The following RBM47 variants were observed in gnomAD, a reference collection of about 807,000 sequenced individuals.
The protein encoded by RBM47 is RNA binding motif protein 47.
Under a neutral mutation model 47.1 loss-of-function variants are expected in RBM47, and 21 were observed. That is an observed-to-expected ratio of 0.45 (90% CI 0.32 to 0.64). The LOEUF (loss-of-function observed/expected upper bound fraction) is 0.64, where lower values mean the gene tolerates loss of function less well. RBM47 is among the 30% of genes least tolerant of loss of function. The pLI is 0.05. For missense variants in RBM47, 708 were observed against 870.9 expected (o/e 0.81, Z 2.35); for synonymous variants, 375 against 361.7 (o/e 1.04, Z -0.42).
rs146399540 is a variant in RBM47 at position 40,588,008 on chromosome 4, T to C, written c.-240+41388A>G. On this transcript the variant is annotated intron_variant, in intron 1 of 6. Transcript: ENST00000295971. ...ACATTTCTTCTTTTTGTCAGCAACA[T>C]GATAGAATCTCTTTTTTGCCTGGCC... 6.1e-3 allele frequency among the ~76,000 whole-genome samples: 936 copies of C among 152,282 alleles called. 8 individuals are homozygous for C. The highest frequency in any genetic ancestry group is 0.024 in the Middle Eastern group (7 of 294).
At chr4:40,610,747 G>T (rs536024262) in intron 1 of RBM47, among the ~76,000 whole-genome samples, 2 of 152,070 alleles carry the variant, frequency 1.3e-5, no homozygotes, top group Non-Finnish European at 2.9e-5. Context: ...AGGAACCCAG[G>T]GGGGAGGTAA....
chr4:40,583,044 A>C (rs1258888441), intron 1 of RBM47, among the ~76,000 whole-genome samples: 1 of 152,236 alleles, frequency 6.6e-6, no homozygotes, highest in Non-Finnish European at 1.5e-5. Flanking sequence ...TGTGCGAAGT[A>C]CAGAAGAGAC....
At chr4:40,431,695 G>A (rs1363288005) in intron 6 of RBM47, among the ~76,000 whole-genome samples, 1 of 151,422 alleles carries the variant, frequency 6.6e-6, no homozygotes, top group East Asian at 1.9e-4. Flanking sequence ...TTATCTAGGA[G>A]GTGGATGGGA....
rs551344716 is a variant in RBM47, at chr4:40,523,167, A to G, written c.-155+21255T>C. Among the ~76,000 whole-genome samples the G allele has an allele frequency of 2.6e-3, 397 of 151,826 alleles. 5 individuals carry two copies. The highest frequency in any genetic ancestry group is 3.1e-3 in the Non-Finnish European group (213 of 67,856). On this transcript the variant is annotated intron_variant, in intron 2 of 6. Coordinates refer to ENST00000295971, the MANE Select transcript of RBM47 (RefSeq NM_001098634.2). The stretch of plus-strand genomic sequence containing the variant: ...TTTTTAGTAGAGACAGTGTTTCACC[A>G]TGTTGGCCAGGCTGGTCTTGAACTC...
At chr4:40,624,266 G>C (rs1281039162) in intron 1 of RBM47, among the ~76,000 whole-genome samples, 1 of 152,158 alleles carries the variant, frequency 6.6e-6, no homozygotes, top group East Asian at 1.9e-4. Flanking sequence ...ACATGTAAGT[G>C]GCAGAACTAA....
intron 1 of RBM47, among the ~76,000 whole-genome samples, chr4:40,556,545 T>C (rs752022193): frequency 2.0e-5 from 3 of 152,060 alleles, no homozygotes; most frequent in African/African-American, 7.2e-5. Context: ...TTACTTTTAA[T>C]GGCAAAAACC....
chr4:40,546,914 G>C (rs1341178161), intron 1 of RBM47, among the ~76,000 whole-genome samples: 1 of 152,122 alleles, frequency 6.6e-6, no homozygotes, highest in African/African-American at 2.4e-5. Flanking sequence ...AATGAAAAAG[G>C]GTATGGATTT....
chr4:40,515,106 A>T (rs1246497595), intron 2 of RBM47, among the ~76,000 whole-genome samples: 2 of 152,210 alleles, frequency 1.3e-5, no homozygotes, highest in African/African-American at 4.8e-5. Context: ...CCTTCAAGTT[A>T]TTCACAGTTA....
At chr4:40,478,009 C>CTTTTTT (rs1194806938) in intron 2 of RBM47, among the ~76,000 whole-genome samples, 29 of 86,362 alleles carry the variant, frequency 3.4e-4, no homozygotes, top group East Asian at 7.5e-4. Context: ...GTGGCATGTT[C>CTTTTTT]TTTTTTTTTT....
At position 40,438,211 on chromosome 4, in the gene RBM47, A is replaced by G. The variant is rs1320722804; in HGVS notation, c.683T>C (p.Val228Ala). ...GTCGATCTCAGGTTCGGCCCAGTCC[A>G]CGGCGATCTGGTGGCCCCACAGCTG... is the stretch of plus-strand genomic sequence containing the variant. ...RIQLWGHQIA[V>A]DWAEPEIDVD... Residue 228 changes from valine to alanine, a missense_variant, in exon 4 of 7, where the codon GTG (valine) becomes GCG (alanine). Coordinates refer to ENST00000295971, the MANE Select transcript of RBM47 (RefSeq NM_001098634.2). 1.2e-6 allele frequency: 2 copies of G among 1,606,186 alleles called. No individual in the cohort carries two copies. Among genetic ancestry groups the G allele is most frequent in the Non-Finnish European group, 1.7e-6 (2 of 1,179,956 alleles).
intron 1 of RBM47, among the ~76,000 whole-genome samples, chr4:40,549,785 A>C (rs983064349): frequency 6.6e-6 from 1 of 151,892 alleles, no homozygotes; most frequent in Non-Finnish European, 1.5e-5. Flanking sequence ...GGTTCAAGCA[A>C]TTCTCCTGCC....
chr4:40,566,428 C>CCT, intron 1 of RBM47, among the ~76,000 whole-genome samples: 1 of 151,576 alleles, frequency 6.6e-6, no homozygotes, highest in East Asian at 1.9e-4. Context: ...GGGTGGATCA[C>CCT]GAGGTCAGGA....
At chr4:40,515,663 A>G (rs1412182498) in intron 2 of RBM47, among the ~76,000 whole-genome samples, 1 of 152,200 alleles carries the variant, frequency 6.6e-6, no homozygotes. Context: ...TGTGTTTTCT[A>G]CACTCCAGCT....
intron 1 of RBM47, among the ~76,000 whole-genome samples, chr4:40,583,445 GC>G (rs911342967): frequency 5.4e-5 from 8 of 148,164 alleles, no homozygotes; most frequent in African/African-American, 2.0e-4. Flanking sequence ...GGTGATGCAC[GC>G]CTGTAGTCCC....
At chr4:40,538,202 C>T (rs1204849431) in intron 2 of RBM47, among the ~76,000 whole-genome samples, 1 of 152,012 alleles carries the variant, frequency 6.6e-6, no homozygotes, top group African/African-American at 2.4e-5. Context: ...GAGGTCCAGA[C>T]AAGAGGGTAG....
rs528122950 is a variant in RBM47, at chr4:40,449,870, T to G, written c.-31-10946A>C. Among the ~76,000 whole-genome samples, 127 of 152,124 alleles carry G rather than the reference T, an allele frequency of 8.3e-4. 1 individual carries two copies. In the South Asian group the frequency reaches 0.026, roughly 31 times the overall value. ...AGTTTTGTACTTTTTTTAGTAGAGA[T>G]GAGGATTCACCATGTTGGCCAGCCT... is the stretch of plus-strand genomic sequence containing the variant. On this transcript the variant is annotated intron_variant, in intron 3 of 6. Transcript: ENST00000295971.
rs568725215 is a variant in RBM47, at chr4:40,458,851, C to T, written c.-32+7726G>A. 3.0e-4 allele frequency among the ~76,000 whole-genome samples: 46 copies of T among 151,946 alleles called. 2 individuals carry two copies. In the South Asian group the frequency reaches 9.3e-3, roughly 31 times the overall value. ...AACAGGTCCTTCTGCAAACATACGG[C>T]GAAGGTTAAACTCTAATACCCCATG... On this transcript the variant is annotated intron_variant, in intron 3 of 6. Transcript: ENST00000295971.
intron 1 of RBM47, among the ~76,000 whole-genome samples, chr4:40,593,619 G>A (rs892362847): frequency 2.0e-5 from 3 of 152,044 alleles, no homozygotes; most frequent in Non-Finnish European, 2.9e-5. Flanking sequence ...GGTGGCTCAC[G>A]CCTGTAATCC....
At chr4:40,596,152 T>C (rs1458987157) in intron 1 of RBM47, among the ~76,000 whole-genome samples, 2 of 152,238 alleles carry the variant, frequency 1.3e-5, no homozygotes, top group African/African-American at 2.4e-5. Flanking sequence ...TCCTTGGAGC[T>C]GTTCTTTCTG....
Sources: gnomAD v4.1 joint callset for allele counts (sites outside exome capture counted in the v4.1 genomes callset) on GRCh38, gnomAD v4.1.1 for gene constraint, MANE v1.5 for transcripts, NCBI Gene and HGNC (gene_info 2026-07-23, HGNC 2026-07-21) for gene names.